Variants in RPS6KA2 observed in about 807,000 individuals in gnomAD.
The protein encoded by RPS6KA2 is ribosomal protein S6 kinase alpha-2.
Under a neutral mutation model 91.8 loss-of-function variants are expected in RPS6KA2, and 42 were observed. The observed-to-expected ratio is 0.46, with a 90% confidence interval of 0.36 to 0.59. RPS6KA2 has a LOEUF of 0.59. Ranked by LOEUF, RPS6KA2 falls within the 20% of genes least tolerant of loss-of-function variation. RPS6KA2 has a pLI of 0.00. For missense variants in RPS6KA2, 798 were observed against 978.5 expected (o/e 0.82, Z 2.46); for synonymous variants, 414 against 393.6 (o/e 1.05, Z -0.61).
chr6:166,531,385 G>A (rs1783269683), intron 2 of RPS6KA2, 72 bp from the exon 3 acceptor site: 1 of 1,141,106 alleles, frequency 8.8e-7, no homozygotes, highest in African/African-American at 1.5e-5. Context: ...GATTTGACAA[G>A]GGGATACACA....
chr6:166,616,317 A>T (rs1414031005), intron 1 of RPS6KA2, among the ~76,000 whole-genome samples: 1 of 152,152 alleles, frequency 6.6e-6, no homozygotes, highest in Non-Finnish European at 1.5e-5. Flanking sequence ...CATGGGGGCT[A>T]CCTCCAAAGC....
At chr6:166,444,003 C>A (rs1779600357) in intron 14 of RPS6KA2, among the ~76,000 whole-genome samples, 1 of 152,144 alleles carries the variant, frequency 6.6e-6, no homozygotes, top group Admixed American at 6.5e-5. Flanking sequence ...CAAGGGCCAA[C>A]TGTATATATT....
rs767316268 is a variant in RPS6KA2, at chr6:166,557,347, T to A, written c.100-18563A>T. 6.6e-6 allele frequency among the ~76,000 whole-genome samples: 1 copy of A among 152,254 alleles called. No homozygotes were observed. Among genetic ancestry groups the A allele is most frequent in the Non-Finnish European group, 1.5e-5 (1 of 68,054 alleles). Reference sequence around the variant, plus strand: ...ACCTAAATCGACATAAACACGGTCCTGGCCACCACGTCCCCCACAGACTCA... The same window carrying A: ...ACCTAAATCGACATAAACACGGTCCAGGCCACCACGTCCCCCACAGACTCA... On this transcript the variant is annotated intron_variant, in intron 1 of 20. Transcript: ENST00000265678. The surrounding 1 kb of genome is among the most constrained non-coding windows in gnomAD (Gnocchi z 4.8).
intron 10 of RPS6KA2, among the ~76,000 whole-genome samples, chr6:166,484,040 C>G (rs1165772117): frequency 6.6e-6 from 1 of 152,224 alleles, no homozygotes; most frequent in Non-Finnish European, 1.5e-5. Flanking sequence ...TGCATCTGAG[C>G]AGGCACTGCG....
chr6:166,657,651 T>A (rs1788041976), intron 2 of RPS6KA2, among the ~76,000 whole-genome samples: 1 of 152,192 alleles, frequency 6.6e-6, no homozygotes, highest in Non-Finnish European at 1.5e-5. Context: ...GCCGGACATC[T>A]GGGCCTTGTG....
At chr6:166,456,304 G>T (rs775383139) in intron 12 of RPS6KA2, among the ~76,000 whole-genome samples, 1 of 152,192 alleles carries the variant, frequency 6.6e-6, no homozygotes, top group African/African-American at 2.4e-5. Flanking sequence ...ATGACAGGTG[G>T]CCTAAATAGA....
At chr6:166,834,830 A>ATTTAT (rs1554261763) in intron 2 of RPS6KA2, among the ~76,000 whole-genome samples, 260 of 65,638 alleles carry the variant, frequency 4.0e-3, no homozygotes, top group African/African-American at 0.011. Context: ...ATGGCGTCCT[A>ATTTAT]TTATTTATTT....
chr6:166,469,704 T>A lies in RPS6KA2; in HGVS notation c.972+137A>T, dbSNP rs1583175425. On this transcript the variant is annotated intron_variant, in intron 11 of 20. Coordinates refer to ENST00000265678, the MANE Select transcript of RPS6KA2 (RefSeq NM_021135.6). ...AGCAGGGTCCTGGGGGCTCCCTGCC[T>A]GCAGGTGGCTTGTCTACATTCACCT... 5.0e-6 allele frequency: 4 copies of A among 795,322 alleles called. No individual in the cohort carries two copies. The East Asian group carries it at 7.9e-5, about 16-fold the overall frequency. The allele number at this position is 795,322 out of a possible 1,614,324, so 49.3% of individuals were successfully genotyped here. A position where few individuals can be genotyped will look rare whatever the true frequency, so the allele number is the denominator to read the frequency against.
rs569407843 is a variant in RPS6KA2, at chr6:166,542,640, C to T, written c.100-3856G>A. 4.6e-5 allele frequency among the ~76,000 whole-genome samples: 7 copies of T among 152,294 alleles called. No individual in the cohort carries two copies. The South Asian group carries it at 1.4e-3, about 32-fold the overall frequency. On this transcript the variant is annotated intron_variant, in intron 1 of 20. Coordinates refer to ENST00000265678, the MANE Select transcript of RPS6KA2 (RefSeq NM_021135.6). Reference sequence around the variant, plus strand: ...TTTAAAATTCCTGCAGAACTGCACTCAAAATTCCAATGACTGCAGGAAGTC... The same window carrying T: ...TTTAAAATTCCTGCAGAACTGCACTTAAAATTCCAATGACTGCAGGAAGTC...
At chr6:166,744,291 G>C (rs1350407504) in intron 2 of RPS6KA2, among the ~76,000 whole-genome samples, 1 of 152,158 alleles carries the variant, frequency 6.6e-6, no homozygotes, top group Admixed American at 6.5e-5. Context: ...TCTCCAACTG[G>C]GAGGCAAAGG....
chr6:166,513,908 T>C (rs1256658748), intron 3 of RPS6KA2, among the ~76,000 whole-genome samples: 1 of 152,258 alleles, frequency 6.6e-6, no homozygotes, highest in Non-Finnish European at 1.5e-5. Context: ...ATTGTAGTCA[T>C]TGTGTGCAAA....
intron 3 of RPS6KA2, among the ~76,000 whole-genome samples, chr6:166,513,823 A>G (rs867241392): frequency 6.6e-6 from 1 of 152,150 alleles, no homozygotes; most frequent in Non-Finnish European, 1.5e-5. Flanking sequence ...AAAGAATACA[A>G]TTTTGTACCC....
intron 2 of RPS6KA2, 81 bp downstream of exon 2, chr6:166,538,587 A>C: frequency 1.3e-6 from 1 of 797,146 alleles, no homozygotes; most frequent in Non-Finnish European, 2.2e-6. Flanking sequence ...GACCGCCTGC[A>C]ATTTTCATCC....
intron 2 of RPS6KA2, among the ~76,000 whole-genome samples, chr6:166,690,171 G>A (rs1789162598): frequency 6.6e-6 from 1 of 152,204 alleles, no homozygotes; most frequent in South Asian, 2.1e-4. Flanking sequence ...CAACCCACCA[G>A]TCTGACGTGA....
At chr6:166,482,842 T>C (rs6929010) in intron 10 of RPS6KA2, among the ~76,000 whole-genome samples, 23,067 of 152,132 alleles carry the variant, frequency 0.15, 2,032 homozygotes, top group African/African-American at 0.22. Flanking sequence ...TCACATCCTA[T>C]TGCATCTTCC....
chr6:166,538,932 G>GTTTTT (rs1338843658), intron 1 of RPS6KA2, 148 bp from the exon 2 acceptor site: 34 of 493,176 alleles, frequency 6.9e-5, no homozygotes, highest in African/African-American at 2.6e-4. Flanking sequence ...ATTTAGTTGT[G>GTTTTT]TTTTTTTCTT....
intron 2 of RPS6KA2, among the ~76,000 whole-genome samples, chr6:166,850,975 C>G (rs931917784): frequency 4.7e-4 from 71 of 152,120 alleles, no homozygotes; most frequent in African/African-American, 1.6e-3. Context: ...TGTGGGAAAT[C>G]AAGGGTTCTA....
At chr6:166,818,091 C>A (rs987815455) in intron 2 of RPS6KA2, among the ~76,000 whole-genome samples, 2 of 152,048 alleles carry the variant, frequency 1.3e-5, no homozygotes, top group Non-Finnish European at 1.5e-5. Flanking sequence ...CAGTGTGTTT[C>A]TCTTTAGAAA....
intron 2 of RPS6KA2, among the ~76,000 whole-genome samples, chr6:166,801,198 G>A (rs10484520): frequency 0.043 from 6,486 of 152,164 alleles, 545 homozygotes; most frequent in East Asian, 0.39. Context: ...TGCTAAACTC[G>A]TGAAAAGTTT....
Sources: allele counts gnomAD v4.1 joint callset (sites outside exome capture counted in the v4.1 genomes callset), GRCh38; gene constraint gnomAD v4.1.1; non-coding constraint Gnocchi (gnomAD v3.1); transcripts MANE v1.5; gene names NCBI Gene and HGNC (gene_info 2026-07-23, HGNC 2026-07-21).